TMEM132D: variants seen among roughly 807,000 people sequenced by gnomAD.
TMEM132D encodes the protein transmembrane protein 132D.
In TMEM132D, 21 loss-of-function variants were observed where a neutral mutation model predicts 62.3. The ratio of observed to expected loss-of-function variants is 0.34; its 90% confidence interval spans 0.24 to 0.49. The LOEUF is 0.49. TMEM132D is among the 20% of genes least tolerant of loss of function. TMEM132D has a pLI of 0.99. For missense variants in TMEM132D, 1,346 were observed against 1,402.8 expected, an observed-to-expected ratio of 0.96 and a Z score of 0.65; for synonymous variants, 621 against 575.6, an observed-to-expected ratio of 1.08 and a Z score of -1.13.
intron 4 of TMEM132D, among the ~76,000 whole-genome samples, chr12:129,221,724 A>C (rs1462954005): frequency 6.6e-6 from 1 of 152,118 alleles, no homozygotes; most frequent in Non-Finnish European, 1.5e-5. Flanking sequence ...CAGTAACCTA[A>C]TCAGTAGAAT....
intron 2 of TMEM132D, among the ~76,000 whole-genome samples, chr12:129,605,563 T>G (rs1200163957): frequency 1.5e-5 from 2 of 131,200 alleles, no homozygotes; most frequent in African/African-American, 5.9e-5. Context: ...AAGCAGCCTT[T>G]AAATTATTAT....
intron 5 of TMEM132D, among the ~76,000 whole-genome samples, chr12:129,187,806 T>C (rs1171634727): frequency 6.6e-6 from 1 of 152,250 alleles, no homozygotes. Flanking sequence ...CACTTACTGC[T>C]GACGGAAACA....
chr12:129,869,561 T>G (rs562516066), intron 1 of TMEM132D, among the ~76,000 whole-genome samples: 55 of 152,364 alleles, frequency 3.6e-4, no homozygotes, highest in African/African-American at 1.3e-3. Flanking sequence ...TTTTATTGTT[T>G]GTGGGTTTTT....
intron 1 of TMEM132D, among the ~76,000 whole-genome samples, chr12:129,788,691 G>A (rs927376589): frequency 6.6e-6 from 1 of 152,174 alleles, no homozygotes; most frequent in Non-Finnish European, 1.5e-5. Flanking sequence ...AGCATTTTGA[G>A]CATAAATTCG....
chr12:129,517,506 A>C (rs1030488779), intron 3 of TMEM132D, among the ~76,000 whole-genome samples: 1 of 152,162 alleles, frequency 6.6e-6, no homozygotes, highest in Non-Finnish European at 1.5e-5. Context: ...AGGGCCATTC[A>C]GTGGGGAAGA....
rs1274007729 is a variant in TMEM132D at position 129,899,700 on chromosome 12, T to A, written c.79+3561A>T. ...TCTTGGCTCTTAGAATATAACTAAG[T>A]TAAACAGATCCTCAAACTTGGAATT... is the stretch of plus-strand genomic sequence containing the variant. On this transcript the variant is annotated intron_variant, in intron 1 of 8. Transcript: ENST00000422113. Among the ~76,000 whole-genome samples, 4 of 152,318 alleles carry A rather than the reference T, an allele frequency of 2.6e-5. No individual in the cohort carries two copies. In the East Asian group the frequency reaches 7.7e-4, roughly 29 times the overall value.
chr12:129,481,131 A>G (rs1393390370), intron 3 of TMEM132D, among the ~76,000 whole-genome samples: 1 of 152,120 alleles, frequency 6.6e-6, no homozygotes, highest in Non-Finnish European at 1.5e-5. Context: ...ATTCTAGAAC[A>G]GGTCATTCCT....
At chr12:129,876,039 T>C (rs1172627190) in intron 1 of TMEM132D, among the ~76,000 whole-genome samples, 2 of 152,182 alleles carry the variant, frequency 1.3e-5, no homozygotes, top group Non-Finnish European at 2.9e-5. Flanking sequence ...ATTGTTAAAA[T>C]GCTGAGACTT....
At chr12:129,720,583 TGC>T (rs1868785627) in intron 1 of TMEM132D, among the ~76,000 whole-genome samples, 1 of 152,172 alleles carries the variant, frequency 6.6e-6, no homozygotes, top group South Asian at 2.1e-4. Flanking sequence ...ATGATGACAG[TGC>T]CGTGGCTGGG....
At chr12:129,611,524 T>C (rs892428755) in intron 2 of TMEM132D, among the ~76,000 whole-genome samples, 4 of 152,196 alleles carry the variant, frequency 2.6e-5, no homozygotes, top group African/African-American at 7.2e-5. Flanking sequence ...ATATTTTAAG[T>C]GTAAGTAGCT....
At chr12:129,079,782 T>C (rs2135613190) in intron 7 of TMEM132D, among the ~76,000 whole-genome samples, 1 of 152,284 alleles carries the variant, frequency 6.6e-6, no homozygotes, top group African/African-American at 2.4e-5. Flanking sequence ...GAGAGGTGTG[T>C]CCCCAGAAGA....
chr12:129,236,779 A>C (rs1238138870), intron 4 of TMEM132D, among the ~76,000 whole-genome samples: 2 of 152,102 alleles, frequency 1.3e-5, no homozygotes, highest in African/African-American at 4.8e-5. Context: ...TAGTGTGATG[A>C]GAGTGGGCAT....
At chr12:129,694,874 G>A (rs948661742) in intron 2 of TMEM132D, among the ~76,000 whole-genome samples, 11 of 152,146 alleles carry the variant, frequency 7.2e-5, no homozygotes, top group African/African-American at 1.7e-4. Flanking sequence ...CAGGCATGGC[G>A]ATGTGAGCCT....
intron 1 of TMEM132D, among the ~76,000 whole-genome samples, chr12:129,736,032 G>T (rs1470266716): frequency 1.3e-5 from 2 of 152,144 alleles, no homozygotes; most frequent in East Asian, 1.9e-4. Flanking sequence ...CACACACTTT[G>T]CTTCCCCCTC....
intron 3 of TMEM132D, among the ~76,000 whole-genome samples, chr12:129,492,024 T>C (rs1874810669): frequency 1.3e-5 from 2 of 152,242 alleles, no homozygotes; most frequent in East Asian, 3.8e-4. Context: ...AAACTTTACT[T>C]GGGCAAGTGG....
intron 2 of TMEM132D, among the ~76,000 whole-genome samples, chr12:129,691,782 G>A (rs533005289): frequency 1.3e-5 from 2 of 151,844 alleles, no homozygotes; most frequent in South Asian, 4.2e-4. Flanking sequence ...ACAAAAACAA[G>A]CAAAACAACT....
intron 4 of TMEM132D, among the ~76,000 whole-genome samples, chr12:129,311,227 A>G (rs1288827578): frequency 1.1e-5 from 1 of 89,872 alleles, no homozygotes. Flanking sequence ...AAAAAAAAAA[A>G]AAAAAAAAGG....
At chr12:129,378,171 C>A (rs1566049956) in intron 3 of TMEM132D, among the ~76,000 whole-genome samples, 1 of 152,122 alleles carries the variant, frequency 6.6e-6, no homozygotes, top group African/African-American at 2.4e-5. Flanking sequence ...TACTGGAGAA[C>A]AATTAGGTGC....
At chr12:129,263,361 G>A (rs531887806) in intron 4 of TMEM132D, among the ~76,000 whole-genome samples, 30 of 152,276 alleles carry the variant, frequency 2.0e-4, no homozygotes, top group Non-Finnish European at 4.0e-4. Flanking sequence ...AATGTTCTAA[G>A]TGCCTAGCTT....
Sources: allele counts gnomAD v4.1 joint callset (sites outside exome capture counted in the v4.1 genomes callset), GRCh38; gene constraint gnomAD v4.1.1; transcripts MANE v1.5; gene names NCBI Gene and HGNC (gene_info 2026-07-23, HGNC 2026-07-21).